Variants in OR2L13 observed in about 807,000 individuals in gnomAD.
OR2L13 encodes olfactory receptor 2L13.
OR2L13 carries 14 observed loss-of-function variants against 15.3 expected under a neutral mutation model. The ratio of observed to expected loss-of-function variants is 0.91; its 90% CI spans 0.60 to 1.43. OR2L13 has a LOEUF of 1.43. OR2L13 is among the 40% of genes most tolerant of loss of function. OR2L13 has a pLI of 0.00. For synonymous variants in OR2L13, 152 were observed against 142.9 expected, an observed-to-expected ratio of 1.06 and a Z score of -0.45; for missense variants, 367 against 387.9, an observed-to-expected ratio of 0.95 and a Z score of 0.45.
chr1:248,040,799 G>A, the OR2L13 span: 2 of 152,084 alleles, frequency 1.3e-5, no homozygotes, highest in African/African-American at 4.8e-5. Flanking sequence ...ACTGCTTGGC[G>A]GTCAGTGACC....
the OR2L13 span, among the ~76,000 whole-genome samples, chr1:248,070,129 T>C: frequency 1.3e-5 from 2 of 152,164 alleles, no homozygotes; most frequent in African/African-American, 4.8e-5. Context: ...GCAGACCTAA[T>C]AGACATCTAC....
At chr1:247,940,782 C>T in the OR2L13 span, among the ~76,000 whole-genome samples, 6 of 150,760 alleles carry the variant, frequency 4.0e-5, no homozygotes, top group Admixed American at 2.0e-4. Flanking sequence ...GGAATTGCTG[C>T]GTCAAATGGT....
the OR2L13 span, among the ~76,000 whole-genome samples, chr1:248,033,609 G>GT: frequency 1.8e-3 from 250 of 136,188 alleles, 1 homozygote; most frequent in Middle Eastern, 0.024. Context: ...GCTAATTTTT[G>GT]TTTTTTTTTT....
chr1:248,056,340 G>A, the OR2L13 span, among the ~76,000 whole-genome samples: 675 of 151,620 alleles, frequency 4.5e-3, 3 homozygotes, highest in African/African-American at 0.015. Context: ...GTTTTTGTGG[G>A]TCTCCATCTC....
At chr1:248,017,084 G>A in the OR2L13 span, among the ~76,000 whole-genome samples, 8 of 152,122 alleles carry the variant, frequency 5.3e-5, no homozygotes, top group East Asian at 1.2e-3. Flanking sequence ...AACTATCATC[G>A]GAATCTTTTC....
chr1:247,949,677 G>T, the OR2L13 span: 3 of 1,613,870 alleles, frequency 1.9e-6, no homozygotes, highest in East Asian at 6.7e-5. Flanking sequence ...CAAGGTTCTG[G>T]CTGTCTTCTA....
At chr1:248,095,808 T>C (rs540697767), upstream of OR2L13, among the ~76,000 whole-genome samples, 34 of 150,688 alleles carry the variant, frequency 2.3e-4, no homozygotes, top group South Asian at 7.1e-3. Context: ...GGTGTCACCA[T>C]ATTGGTCAGG....
the OR2L13 span, among the ~76,000 whole-genome samples, chr1:248,047,118 A>G: frequency 3.3e-5 from 5 of 152,188 alleles, no homozygotes; most frequent in Non-Finnish European, 5.9e-5. Context: ...ATGATGGTCA[A>G]TTGAAGAGAC....
the OR2L13 span, among the ~76,000 whole-genome samples, chr1:247,986,828 G>GTC: frequency 6.6e-6 from 1 of 151,972 alleles, no homozygotes; most frequent in African/African-American, 2.4e-5. Flanking sequence ...GGTCCTTCAC[G>GTC]TCCGTTGTAA....
chr1:247,954,876 A>G, the OR2L13 span, among the ~76,000 whole-genome samples: 1 of 152,156 alleles, frequency 6.6e-6, no homozygotes, highest in Non-Finnish European at 1.5e-5. Flanking sequence ...TTATGTATAC[A>G]GTACAACTTC....
chr1:248,099,453 C>G, exon 3 of OR2L13: 2 of 1,613,832 alleles, frequency 1.2e-6, no homozygotes, highest in Non-Finnish European at 1.7e-6. Context: ...GAATATTTCT[C>G]TTGTGCCTTA....
At chr1:247,948,969 C>G in the OR2L13 span, 2 of 1,613,910 alleles carry the variant, frequency 1.2e-6, no homozygotes, top group Non-Finnish European at 1.7e-6. Context: ...CCTGATGGCT[C>G]TAATTGGAAA....
the OR2L13 span, among the ~76,000 whole-genome samples, chr1:248,047,425 A>G: frequency 6.6e-6 from 1 of 152,212 alleles, no homozygotes; most frequent in African/African-American, 2.4e-5. Flanking sequence ...CATTAAAGTA[A>G]AGGTACAACG....
the OR2L13 span, among the ~76,000 whole-genome samples, chr1:247,951,394 A>G: frequency 6.6e-6 from 1 of 152,150 alleles, no homozygotes; most frequent in Non-Finnish European, 1.5e-5. Flanking sequence ...AATTCTTCCA[A>G]TCCACAAGCA....
the OR2L13 span, among the ~76,000 whole-genome samples, chr1:247,958,865 C>T: frequency 6.6e-6 from 1 of 152,060 alleles, no homozygotes; most frequent in South Asian, 2.1e-4. Flanking sequence ...TTCCTGAATA[C>T]AGCACACTGA....
At chr1:248,081,172 A>T in the OR2L13 span, among the ~76,000 whole-genome samples, 1 of 152,200 alleles carries the variant, frequency 6.6e-6, no homozygotes, top group Non-Finnish European at 1.5e-5. Flanking sequence ...ACCTTTATTA[A>T]GAAATTAAGA....
chr1:248,022,681 C>T, the OR2L13 span: 1 of 1,614,152 alleles, frequency 6.2e-7, no homozygotes, highest in Non-Finnish European at 8.5e-7. Context: ...ACCCACCTCA[C>T]TGTAGTAACT....
chr1:248,003,173 G>A, the OR2L13 span: 1 of 1,440,464 alleles, frequency 6.9e-7, no homozygotes, highest in South Asian at 1.1e-5. Flanking sequence ...CATCTTACTG[G>A]GGCTGTTCCC....
the OR2L13 span, among the ~76,000 whole-genome samples, chr1:248,051,656 G>A: frequency 6.6e-6 from 1 of 151,916 alleles, no homozygotes; most frequent in African/African-American, 2.4e-5. Flanking sequence ...TTAGTGAAGG[G>A]TTCAACAGAA....
Sources: allele counts gnomAD v4.1 joint callset (sites outside exome capture counted in the v4.1 genomes callset), GRCh38; gene constraint gnomAD v4.1.1; transcripts MANE v1.5; gene names NCBI Gene and HGNC (gene_info 2026-07-23, HGNC 2026-07-21).